TMEM67: variants seen among roughly 807,000 people sequenced by gnomAD.
TMEM67 encodes the protein transmembrane protein 67.
A neutral mutation model predicts 136.6 loss-of-function variants in TMEM67; 124 were observed. The observed-to-expected ratio is 0.91, with a 90% CI of 0.78 to 1.05. The LOEUF is 1.05. TMEM67 is among the 50% of genes least tolerant of loss of function. The probability of loss-of-function intolerance (pLI) is 0.00; values close to 1 mark genes in which losing one functional copy is unlikely to be tolerated. For synonymous variants in TMEM67, 364 were observed against 390.5 expected, an observed-to-expected ratio of 0.93 and a Z score of 0.80; for missense variants, 1,107 against 1,178.4, an observed-to-expected ratio of 0.94 and a Z score of 0.89.
At chr8:93,773,438 G>T (rs1018933646) in intron 7 of TMEM67, among the ~76,000 whole-genome samples, 7 of 152,180 alleles carry the variant, frequency 4.6e-5, no homozygotes, top group Non-Finnish European at 7.4e-5. Context: ...ATGGAGAATA[G>T]AATTTGTTGG....
rs376227326 is a variant in TMEM67 at position 93,780,989 on chromosome 8, G to T, written c.978+7G>T. ...TTTTAAAGGAGAAAACCAGGTAAAA[G>T]TGTCTAATATCATTAGAGGATAACT... On this transcript the variant is annotated splice_region_variant and intron_variant, in intron 9 of 27. Transcript: ENST00000453321. 2 of 1,480,464 alleles carry T rather than the reference G, an allele frequency of 1.4e-6. No homozygotes were observed. Among genetic ancestry groups the T allele is most frequent in the Non-Finnish European group, 1.9e-6 (2 of 1,059,946 alleles). 91.7% of individuals were successfully genotyped at this position (1,480,464 alleles called of 1,614,324 possible). A position where few individuals can be genotyped will look rare whatever the true frequency, so the allele number is the denominator to read the frequency against.
chr8:93,803,479 AG>A, intron 21 of TMEM67, 124 bp from the exon 22 acceptor site: 1 of 627,496 alleles, frequency 1.6e-6, no homozygotes, highest in Non-Finnish European at 2.9e-6. Context: ...TTTATCACAT[AG>A]GAACTGTTAA....
intron 20 of TMEM67, among the ~76,000 whole-genome samples, chr8:93,798,665 T>C (rs1044054225): frequency 6.6e-6 from 1 of 152,128 alleles, no homozygotes; most frequent in Non-Finnish European, 1.5e-5. Flanking sequence ...GCCTTCCCTC[T>C]TTTTTCTTCT....
At chr8:93,772,484 T>C (rs1390594993) in intron 6 of TMEM67, 105 bp from the exon 7 acceptor site, 15 of 844,140 alleles carry the variant, frequency 1.8e-5, no homozygotes, top group Admixed American at 7.9e-5. Context: ...TTAGTAACTG[T>C]TTTTCTACTA....
At chr8:93,789,746 G>A (rs1012950824) in intron 14 of TMEM67, among the ~76,000 whole-genome samples, 3 of 149,706 alleles carry the variant, frequency 2.0e-5, no homozygotes, top group Non-Finnish European at 3.0e-5. Context: ...TCTAAACTAA[G>A]CCTTGATAAA....
At chr8:93,785,665 G>A (rs1176162557) in intron 12 of TMEM67, 5 of 299,022 alleles carry the variant, frequency 1.7e-5, no homozygotes, top group Non-Finnish European at 2.4e-5. Flanking sequence ...AAGCTGTCCC[G>A]AATATGCTTT....
chr8:93,758,874 T>G (rs1056056360), intron 3 of TMEM67: 7 of 319,890 alleles, frequency 2.2e-5, no homozygotes, highest in Non-Finnish European at 4.1e-5. Flanking sequence ...GCTGGGATTA[T>G]AGGCATCAGT....
the TMEM67 span, among the ~76,000 whole-genome samples, chr8:93,827,657 C>T: frequency 6.6e-6 from 1 of 150,782 alleles, no homozygotes; most frequent in Admixed American, 6.6e-5. Flanking sequence ...GAGGATCCCA[C>T]TGTGTGGCCC....
At position 93,816,621 on chromosome 8, in the gene TMEM67, T is replaced by C. The variant is rs914515136; in HGVS notation, c.*169T>C. ...TAACTTGGGAATATATAACCTGATA[T>C]AATAGAAAATACTGTTTTCCCATTG... On this transcript the variant is annotated 3_prime_UTR_variant, in exon 28 of 28. Transcript: ENST00000453321. The C allele has an allele frequency of 1.2e-4, 58 of 480,050 alleles. No individual in the cohort carries two copies. The South Asian group carries it at 1.9e-3, about 16-fold the overall frequency. The allele number at this position is 480,050 out of a possible 1,614,324, so 29.7% of individuals were successfully genotyped here.
downstream of TMEM67, among the ~76,000 whole-genome samples, chr8:93,818,743 A>G (rs935127693): frequency 1.3e-5 from 2 of 152,192 alleles, no homozygotes; most frequent in Non-Finnish European, 2.9e-5. Context: ...CATCTCTGCA[A>G]TGAAAATAAT....
the TMEM67 span, among the ~76,000 whole-genome samples, chr8:93,829,410 G>T: frequency 3.4e-4 from 51 of 151,326 alleles, no homozygotes; most frequent in African/African-American, 1.1e-3. Context: ...GTGTGTGTGT[G>T]TATCTTTTCA....
chr8:93,808,531 A>ATT, intron 23 of TMEM67, among the ~76,000 whole-genome samples: 1 of 5,308 alleles, frequency 1.9e-4, no homozygotes. Context: ...TAATCTATAT[A>ATT]TATCTATAAT....
At chr8:93,768,782 C>G (rs1213328877) in intron 6 of TMEM67, among the ~76,000 whole-genome samples, 1 of 151,948 alleles carries the variant, frequency 6.6e-6, no homozygotes. Flanking sequence ...GACCAATCTT[C>G]CAACCCCCTC....
rs774157737 is a variant in TMEM67, at chr8:93,782,369, T to A, written c.1066-26T>A. 5 of 1,581,082 alleles carry A rather than the reference T, an allele frequency of 3.2e-6. No homozygotes were observed. The East Asian group carries it at 1.1e-4, about 35-fold the overall frequency. On this transcript the variant is annotated intron_variant, in intron 10 of 27. Coordinates refer to ENST00000453321, the MANE Select transcript of TMEM67 (RefSeq NM_153704.6). ...TAAGAATAGAAAACATTTGTGAGAT[T>A]TATCTGTTGTATTATTTTGCTGCAG...
In TMEM67 at chr8:93,791,228, T is replaced by G. The variant is rs1214801775; in HGVS notation, c.1519-35T>G. ...AAAAATAAGTTTGTATCATATAATT[T>G]CAGTATAGCTAATTTGTTTTGTTTT... is the stretch of plus-strand genomic sequence containing the variant. On this transcript the variant is annotated intron_variant, in intron 14 of 27. Coordinates refer to ENST00000453321, the MANE Select transcript of TMEM67 (RefSeq NM_153704.6). 2.8e-6 allele frequency: 4 copies of G among 1,407,050 alleles called. No homozygotes were observed. The Admixed American group carries it at 6.8e-5, about 24-fold the overall frequency. 87.2% of individuals were successfully genotyped at this position (1,407,050 alleles called of 1,614,324 possible).
intron 13 of TMEM67, among the ~76,000 whole-genome samples, chr8:93,787,247 C>G (rs544473115): frequency 6.6e-6 from 1 of 151,940 alleles, no homozygotes; most frequent in Admixed American, 6.6e-5. Flanking sequence ...TTACAGCTGA[C>G]ACTTTTTTTT....
At chr8:93,784,100 T>C (rs1256787860) in intron 11 of TMEM67, among the ~76,000 whole-genome samples, 1 of 152,198 alleles carries the variant, frequency 6.6e-6, no homozygotes, top group Non-Finnish European at 1.5e-5. Flanking sequence ...TACCTCTGGA[T>C]AGTGGGGTTA....
At position 93,793,257 on chromosome 8, in the gene TMEM67, A is replaced by G; in HGVS notation, c.1635A>G (p.Gly545=). 6.2e-7 allele frequency: 1 copy of G among 1,614,158 alleles called. No homozygotes were observed. ...AVLASLLKTA[G]WKRRIGSPMI... ...TAGCATCTCTTTTGAAGACAGCAGGATGGAAGAGGCGCATTGGGAGTCCCA... is the reference window on the plus strand; with the variant it reads ...TAGCATCTCTTTTGAAGACAGCAGGGTGGAAGAGGCGCATTGGGAGTCCCA... Residue 545 remains glycine (G), a synonymous_variant, in exon 16 of 28, where the codon GGA becomes GGG. Transcript: ENST00000453321.
chr8:93,802,211 T>G (rs1814899604), intron 21 of TMEM67, among the ~76,000 whole-genome samples: 1 of 152,218 alleles, frequency 6.6e-6, no homozygotes, highest in Non-Finnish European at 1.5e-5. Flanking sequence ...CACAAGGGAC[T>G]TCCATCTCCA....
Sources: allele counts gnomAD v4.1 joint callset (sites outside exome capture counted in the v4.1 genomes callset), GRCh38; gene constraint gnomAD v4.1.1; transcripts MANE v1.5; gene names NCBI Gene and HGNC (gene_info 2026-07-23, HGNC 2026-07-21).